Variants in TBC1D9B observed in about 807,000 individuals in gnomAD.
The protein encoded by TBC1D9B is TBC1 domain family member 9B, also known as TBC1 domain family, member 9B (with GRAM domain).
Under a neutral mutation model 121.1 loss-of-function variants are expected in TBC1D9B, and 87 were observed. That is an observed-to-expected ratio of 0.72 (90% CI 0.60 to 0.86). The LOEUF is 0.86. Ranked by LOEUF, TBC1D9B falls within the 40% of genes least tolerant of loss-of-function variation. TBC1D9B has a pLI of 0.00. For missense variants in TBC1D9B, 1,540 were observed against 1,628.6 expected, an observed-to-expected ratio of 0.95 and a Z score of 0.94; for synonymous variants, 668 against 670.1, an observed-to-expected ratio of 1.00 and a Z score of 0.05.
intron 3 of TBC1D9B, among the ~76,000 whole-genome samples, chr5:179,897,115 G>A (rs1307124007): frequency 1.3e-5 from 2 of 151,594 alleles, no homozygotes; most frequent in Non-Finnish European, 2.9e-5. Flanking sequence ...CACTGTGTTA[G>A]CCAGGATGGT....
intron 6 of TBC1D9B, among the ~76,000 whole-genome samples, chr5:179,888,601 C>T (rs561123892): frequency 6.6e-6 from 1 of 152,324 alleles, no homozygotes; most frequent in East Asian, 1.9e-4. Flanking sequence ...TTCACTGGCT[C>T]TCAGAAGGCT....
rs751932035 is a variant in TBC1D9B at position 179,876,025 on chromosome 5, C to A, written c.1795G>T (p.Val599Leu). 37 of 1,612,390 alleles carry A rather than the reference C, an allele frequency of 2.3e-5. No homozygotes were observed. The East Asian group carries it at 8.0e-4, about 35-fold the overall frequency. ...TIGYCQAMNI[V>L]TSVLLLYGSE... The stretch of plus-strand genomic sequence containing the variant: ...CCATAGAGCAGGAGCACCGAGGTCA[C>A]GATGTTCATTGCCTGCCGGGCACAG... The change falls in exon 11 of 21, where the codon GTG becomes TTG. Residue 599 changes from valine to leucine, a missense_variant. Coordinates refer to ENST00000355235, the MANE Select transcript of TBC1D9B (RefSeq NM_015043.4).
intron 3 of TBC1D9B, among the ~76,000 whole-genome samples, chr5:179,895,741 A>C (rs1285639539): frequency 6.6e-6 from 1 of 152,208 alleles, no homozygotes; most frequent in African/African-American, 2.4e-5. Context: ...GCCACCCCCG[A>C]TCCCTCTGTC....
intron 9 of TBC1D9B, 58 bp downstream of exon 9, chr5:179,878,989 G>A (rs1760446837): frequency 1.3e-6 from 2 of 1,573,918 alleles, no homozygotes; most frequent in Admixed American, 3.4e-5. Context: ...GCTCACACGG[G>A]GAGAGCTTGG....
In TBC1D9B at chr5:179,865,977, T is replaced by G. The variant is rs760606877; in HGVS notation, c.2864-89A>C. The G allele has an allele frequency of 1.6e-5, 24 of 1,527,018 alleles. No individual in the cohort carries two copies. Among genetic ancestry groups the G allele is most frequent in the Non-Finnish European group, 2.0e-5 (22 of 1,104,094 alleles). The allele number at this position is 1,527,018 out of a possible 1,614,324, so 94.6% of individuals were successfully genotyped here. A position where few individuals can be genotyped will look rare whatever the true frequency, so the allele number is the denominator to read the frequency against. ...GGGGTCCTTGAGATGTAGTCTGTGT[T>G]TCTGTACAGCCAGCCCCAGGCCAGG... is the stretch of plus-strand genomic sequence containing the variant. On this transcript the variant is annotated intron_variant, in intron 18 of 20. Coordinates refer to ENST00000355235, the MANE Select transcript of TBC1D9B (RefSeq NM_015043.4). This position sits in a 1 kb window ranked among gnomAD's most constrained non-coding sequence, Gnocchi z 5.1.
intron 7 of TBC1D9B, among the ~76,000 whole-genome samples, chr5:179,886,987 A>G (rs905001551): frequency 2.6e-5 from 4 of 152,252 alleles, no homozygotes; most frequent in African/African-American, 7.2e-5. Flanking sequence ...GCTTAAATCC[A>G]TACGTTCATA....
intron 6 of TBC1D9B, among the ~76,000 whole-genome samples, chr5:179,889,294 C>T (rs966314487): frequency 2.0e-5 from 3 of 152,074 alleles, no homozygotes; most frequent in Admixed American, 6.5e-5. Context: ...TCCCAAAGTG[C>T]TGGGATTACA....
chr5:179,867,456 C>CAGGGCAGGAAAAGATCCAGATCTG lies in TBC1D9B; in HGVS notation c.2863+298_2863+321dup, dbSNP rs781735425. The CAGGGCAGGAAAAGATCCAGATCTG allele has an allele frequency of 9.0e-6, 14 of 1,557,142 alleles. 1 individual carries two copies. The South Asian group carries it at 1.3e-4, about 14-fold the overall frequency. ...TTCCAGGGACTGACCTTGAGCCTCC[C>CAGGGCAGGAAAAGATCCAGATCTG]AGGGCAGGAAAAGATCCAGATCTGA... On this transcript the variant is annotated intron_variant, in intron 18 of 20. Coordinates refer to ENST00000355235, the MANE Select transcript of TBC1D9B (RefSeq NM_015043.4).
chr5:179,877,326 C>T (rs1760388023), intron 10 of TBC1D9B, among the ~76,000 whole-genome samples: 1 of 151,620 alleles, frequency 6.6e-6, no homozygotes, highest in South Asian at 2.1e-4. Context: ...CATAGCAAGA[C>T]CCTGTCTCTA....
At position 179,904,557 on chromosome 5, in the gene TBC1D9B, C is replaced by G; in HGVS notation, c.229+145G>C. 1 of 734,974 alleles carries G rather than the reference C, an allele frequency of 1.4e-6. No individual in the cohort carries two copies. The highest frequency in any genetic ancestry group is 2.3e-6 in the Non-Finnish European group (1 of 439,660). The allele number at this position is 734,974 out of a possible 1,614,324, so 45.5% of individuals were successfully genotyped here. Reference sequence around the variant, plus strand: ...TGCCTTTCTAAGATGGAAGCGAAGGCTCCTCCACTTCCCTCTTGCAGCCTT... The same window carrying G: ...TGCCTTTCTAAGATGGAAGCGAAGGGTCCTCCACTTCCCTCTTGCAGCCTT... On this transcript the variant is annotated intron_variant, in intron 2 of 20. Coordinates refer to ENST00000355235, the MANE Select transcript of TBC1D9B (RefSeq NM_015043.4). This position sits in a 1 kb window ranked among gnomAD's most constrained non-coding sequence, Gnocchi z 4.2.
chr5:179,863,347 G>T lies in TBC1D9B; in HGVS notation c.*101C>A. On this transcript the variant is annotated 3_prime_UTR_variant, in exon 21 of 21. Coordinates refer to ENST00000355235, the MANE Select transcript of TBC1D9B (RefSeq NM_015043.4). The surrounding 1 kb of genome is among the most constrained non-coding windows in gnomAD (Gnocchi z 4.5). ...CTCACTGCTCCTGGGAGAGCAGGAG[G>T]GGCACACCTTTAAAGAGAAACTGAT... 1 of 1,348,430 alleles carries T rather than the reference G, an allele frequency of 7.4e-7. No homozygotes were observed. Among genetic ancestry groups the T allele is most frequent in the Non-Finnish European group, 1.0e-6 (1 of 986,872 alleles). The allele number at this position is 1,348,430 out of a possible 1,614,324, so 83.5% of individuals were successfully genotyped here. A position where few individuals can be genotyped will look rare whatever the true frequency, so the allele number is the denominator to read the frequency against.
At chr5:179,894,357 G>C (rs778599829) in intron 4 of TBC1D9B, 29 bp downstream of exon 4, 1 of 1,583,624 alleles carries the variant, frequency 6.3e-7, no homozygotes, top group East Asian at 2.3e-5. Context: ...AGGGTGTGGG[G>C]GCTGGGGCAC....
rs556968179 is a variant in TBC1D9B, at chr5:179,864,635, G to A, written c.3022-507C>T. Among the ~76,000 whole-genome samples the A allele has an allele frequency of 3.2e-3, 480 of 152,304 alleles. 4 individuals carry two copies. The highest frequency in any genetic ancestry group is 0.011 in the African/African-American group (466 of 41,564). The stretch of plus-strand genomic sequence containing the variant: ...TGGGTGCTAGGTCCTGAAGCCACAC[G>A]TCTAGGCCTCCTGGCCCAAGAATGG... On this transcript the variant is annotated intron_variant, in intron 20 of 20. Transcript: ENST00000355235.
Position 179,875,545 on chromosome 5 carries a change from C to T in TBC1D9B, c.1901-358G>A, listed in dbSNP as rs887815027. Among the ~76,000 whole-genome samples, 2 of 152,166 alleles carry T rather than the reference C, an allele frequency of 1.3e-5. No homozygotes were observed. Among genetic ancestry groups the T allele is most frequent in the African/African-American group, 4.8e-5 (2 of 41,442 alleles). The stretch of plus-strand genomic sequence containing the variant: ...CCCCAAGAGCGGTAACTCCAAACAC[C>T]AGACAGCAGGGGAAGGACAGGATAA... On this transcript the variant is annotated intron_variant, in intron 11 of 20. Coordinates refer to ENST00000355235, the MANE Select transcript of TBC1D9B (RefSeq NM_015043.4). The surrounding 1 kb of genome is among the most constrained non-coding windows in gnomAD (Gnocchi z 4.5).
At chr5:179,871,578 G>A (rs1760199490) in intron 14 of TBC1D9B, 48 bp from the exon 15 acceptor site, 4 of 1,589,898 alleles carry the variant, frequency 2.5e-6, no homozygotes, top group Admixed American at 1.7e-5. Context: ...CAAGCTCCTG[G>A]CACAGAAGTA....
chr5:179,878,894 C>T (rs1434537743), intron 9 of TBC1D9B, among the ~76,000 whole-genome samples, 153 bp downstream of exon 9: 2 of 152,108 alleles, frequency 1.3e-5, no homozygotes, highest in African/African-American at 4.8e-5. Context: ...GGGCCAGAGC[C>T]CAGAGCCCAG....
At chr5:179,884,239 T>C (rs529830303) in intron 7 of TBC1D9B, 9 of 152,330 alleles carry the variant, frequency 5.9e-5, no homozygotes, top group African/African-American at 1.9e-4. Flanking sequence ...TCACTGGCTG[T>C]CTCTCAGATT....
At position 179,888,163 on chromosome 5, in the gene TBC1D9B, T is replaced by C. The variant is rs751965272; in HGVS notation, c.1194A>G (p.Pro398=). The C allele has an allele frequency of 1.3e-5, 21 of 1,613,644 alleles. No individual in the cohort carries two copies. The highest frequency in any genetic ancestry group is 1.3e-5 in the African/African-American group (1 of 74,872). ...QRISDFLQKT[P]SKQPGSIGSR... ...TCCCGATACTGCCTGGCTGCTTGGA[T>C]GGTGTTTTCTGGAGGAAGTCAGAGA... is the stretch of plus-strand genomic sequence containing the variant. Residue 398 remains proline (P), a synonymous_variant, in exon 7 of 21, where the codon CCA becomes CCG. Coordinates refer to ENST00000355235, the MANE Select transcript of TBC1D9B (RefSeq NM_015043.4).
chr5:179,907,026 G>T lies in TBC1D9B; in HGVS notation c.118+678C>A, dbSNP rs533775817. 7.2e-5 allele frequency among the ~76,000 whole-genome samples: 11 copies of T among 152,270 alleles called. No homozygotes were observed. Among genetic ancestry groups the T allele is most frequent in the Admixed American group, 3.9e-4 (6 of 15,296 alleles). ...ATCCCACAGGCCGCACGACTCCAAG[G>T]GTGCCTGTCCAGCTTCATCCTGTGT... On this transcript the variant is annotated intron_variant, in intron 1 of 20. Coordinates refer to ENST00000355235, the MANE Select transcript of TBC1D9B (RefSeq NM_015043.4). This position sits in a 1 kb window ranked among gnomAD's most constrained non-coding sequence, Gnocchi z 5.3.
Sources: allele counts gnomAD v4.1 joint callset (sites outside exome capture counted in the v4.1 genomes callset), GRCh38; gene constraint gnomAD v4.1.1; non-coding constraint Gnocchi (gnomAD v3.1); transcripts MANE v1.5; gene names NCBI Gene and HGNC (gene_info 2026-07-23, HGNC 2026-07-21).